NEDD1: variants seen among roughly 807,000 people sequenced by gnomAD.
NEDD1 encodes protein NEDD1.
Under a neutral mutation model 74.0 loss-of-function variants are expected in NEDD1, and 33 were observed. The observed-to-expected ratio is 0.45, with a 90% CI of 0.34 to 0.60. NEDD1 has a LOEUF of 0.60. Ranked by LOEUF, NEDD1 falls within the 20% of genes least tolerant of loss-of-function variation. The probability of loss-of-function intolerance (pLI) is 0.01; values close to 1 mark genes in which losing one functional copy is unlikely to be tolerated. For missense variants in NEDD1, 746 were observed against 776.5 expected (o/e 0.96, Z 0.47); for synonymous variants, 250 against 264.4 (o/e 0.95, Z 0.53).
chr12:96,935,296 A>T (rs1439573744), intron 7 of NEDD1, 91 bp downstream of exon 7: 1 of 765,784 alleles, frequency 1.3e-6, no homozygotes, highest in African/African-American at 1.7e-5. Context: ...ACCTCTGATT[A>T]GTGTCCAGGG....
intron 4 of NEDD1, among the ~76,000 whole-genome samples, chr12:96,917,152 T>C (rs1874547581): frequency 6.6e-6 from 1 of 152,194 alleles, no homozygotes; most frequent in Admixed American, 6.5e-5. Context: ...GTATCTTGAC[T>C]TCTTTAAAAA....
At chr12:96,947,646 A>T (rs1198886293) in intron 14 of NEDD1, among the ~76,000 whole-genome samples, 3 of 152,190 alleles carry the variant, frequency 2.0e-5, no homozygotes, top group Non-Finnish European at 4.4e-5. Context: ...CCTTTCCTTC[A>T]GCAGACCCAG....
chr12:96,911,561 A>G (rs1471225263), intron 3 of NEDD1, among the ~76,000 whole-genome samples: 1 of 152,230 alleles, frequency 6.6e-6, no homozygotes, highest in African/African-American at 2.4e-5. Context: ...GTGAGACACC[A>G]GAGAGATTAG....
intron 13 of NEDD1, 30 bp from the exon 14 acceptor site, chr12:96,945,663 T>G: frequency 7.0e-7 from 1 of 1,422,450 alleles, no homozygotes; most frequent in Non-Finnish European, 9.9e-7. Context: ...CCAAGTTGAC[T>G]ATTAATATTT....
Position 96,918,900 on chromosome 12 carries a change from G to A in NEDD1, c.349-1085G>A, listed in dbSNP as rs940605308. On this transcript the variant is annotated intron_variant, in intron 5 of 15. Coordinates refer to ENST00000266742, the MANE Select transcript of NEDD1 (RefSeq NM_152905.4). The stretch of plus-strand genomic sequence containing the variant: ...CATCAAACATTTTTTCCTCAAGATA[G>A]CAAGTGTTCCTTGGTTTTGGGAAAG... Among the ~76,000 whole-genome samples the A allele has an allele frequency of 1.1e-4, 16 of 152,156 alleles. 1 individual carries two copies. Among genetic ancestry groups the A allele is most frequent in the Non-Finnish European group, 4.4e-5 (3 of 68,028 alleles).
At chr12:96,922,076 T>G (rs1875162411) in intron 6 of NEDD1, among the ~76,000 whole-genome samples, 1 of 152,204 alleles carries the variant, frequency 6.6e-6, no homozygotes, top group Non-Finnish European at 1.5e-5. Context: ...AGACTTGTTT[T>G]GGGAGGTATT....
chr12:96,917,653 A>G lies in NEDD1; in HGVS notation c.264A>G (p.Thr88=), dbSNP rs375745431. 1.3e-6 allele frequency: 2 copies of G among 1,541,510 alleles called. No individual in the cohort carries two copies. Among genetic ancestry groups the G allele is most frequent in the Non-Finnish European group, 1.7e-6 (2 of 1,155,554 alleles). Residue 88 remains threonine (T), a synonymous_variant, in exon 5 of 16, where the codon ACA becomes ACG. Coordinates refer to ENST00000266742, the MANE Select transcript of NEDD1 (RefSeq NM_152905.4). ...AGACATGTGTCAATTTAAATTCTAC[A>G]TCTATGTATTTGGTAAGCGGAGGCC... ...QKQTCVNLNS[T]SMYLVSGGLN... is the part of the protein sequence containing the mutation.
intron 6 of NEDD1, among the ~76,000 whole-genome samples, chr12:96,922,751 A>G (rs1172163531): frequency 1.3e-5 from 2 of 152,216 alleles, no homozygotes; most frequent in Non-Finnish European, 2.9e-5. Flanking sequence ...CAAAATCAAG[A>G]TATAGAACAT....
chr12:96,937,271 G>T lies in NEDD1; in HGVS notation c.995G>T (p.Ser332Ile). 1 of 1,612,874 alleles carries T rather than the reference G, an allele frequency of 6.2e-7. No homozygotes were observed. The highest frequency in any genetic ancestry group is 8.5e-7 in the Non-Finnish European group (1 of 1,179,034). ...NKRSVNVNAA[S>I]GGVQNSGIVR... ...CGAAGTGTTAATGTGAATGCTGCTA[G>T]TGGAGGAGTTCAGAATTCCGGAATT... The change falls in exon 9 of 16, where the codon AGT becomes ATT. Residue 332 changes from serine (S) to isoleucine (I), a missense_variant. By Grantham distance (142) the Ser-to-Ile change is moderately radical (BLOSUM62 -2). Around this residue, in one of 3 missense-constraint regions of NEDD1, gnomAD observed 706 missense variants for 706.7 expected, o/e 1.00. Transcript: ENST00000266742.
chr12:96,924,793 T>C (rs1324428353), intron 6 of NEDD1: 1 of 440,838 alleles, frequency 2.3e-6, no homozygotes, highest in Admixed American at 2.5e-5. Flanking sequence ...TTTCCTAATC[T>C]TTATATATGT....
chr12:96,928,123 T>G (rs1435542061), intron 6 of NEDD1, among the ~76,000 whole-genome samples: 4 of 152,144 alleles, frequency 2.6e-5, no homozygotes, highest in Non-Finnish European at 5.9e-5. Context: ...GAAAGCTATT[T>G]GAAAGATGTT....
chr12:96,927,904 A>G (rs936407608), intron 6 of NEDD1, among the ~76,000 whole-genome samples: 20 of 152,270 alleles, frequency 1.3e-4, no homozygotes, highest in African/African-American at 4.6e-4. Context: ...TATGTTATAT[A>G]GGAGCATTGG....
In NEDD1 at chr12:96,944,648, T is replaced by C; in HGVS notation, c.1507T>C (p.Leu503=). The C allele has an allele frequency of 6.3e-7, 1 of 1,582,682 alleles. No individual in the cohort carries two copies. The highest frequency in any genetic ancestry group is 8.6e-7 in the Non-Finnish European group (1 of 1,159,072). ...SKDSFKQLAK[L]VTSGAESGNL... ...TATTTTAAATATAAAGTTAGCAAAG[T>C]TGGTCACATCTGGTGCTGAAAGTGG... The change falls in exon 13 of 16, where the codon TTG becomes CTG. Residue 503 remains leucine, a synonymous_variant. Transcript: ENST00000266742.
At position 96,912,707 on chromosome 12, in the gene NEDD1, A is replaced by G. The variant is rs371366525; in HGVS notation, c.137-16A>G. The G allele has an allele frequency of 5.3e-5, 68 of 1,282,774 alleles. No individual in the cohort carries two copies. Among genetic ancestry groups the G allele is most frequent in the Middle Eastern group, 1.8e-4 (1 of 5,416 alleles). 79.5% of individuals were successfully genotyped at this position (1,282,774 alleles called of 1,614,324 possible). Reference sequence around the variant, plus strand: ...ATGTTCATGGATTGTTTGATGCTCCATAACTCCTCATTTAGATAACTTTTT... The same window carrying G: ...ATGTTCATGGATTGTTTGATGCTCCGTAACTCCTCATTTAGATAACTTTTT... On this transcript the variant is annotated splice_polypyrimidine_tract_variant and intron_variant, in intron 3 of 15. Transcript: ENST00000266742.
chr12:96,923,916 CTTTTA>C (rs959150990), intron 6 of NEDD1, among the ~76,000 whole-genome samples: 51 of 151,070 alleles, frequency 3.4e-4, no homozygotes, highest in African/African-American at 1.2e-3. Flanking sequence ...TCAGTCTTTT[CTTTTA>C]TGTTTGTTGC....
At chr12:96,940,563 C>G in intron 10 of NEDD1, 26 bp downstream of exon 10, 1 of 1,535,248 alleles carries the variant, frequency 6.5e-7, no homozygotes, top group Non-Finnish European at 8.9e-7. Context: ...GGATCCTGTT[C>G]TCTTGCTGGT....
At chr12:96,907,920 C>G (rs1204796657) in intron 2 of NEDD1, 64 bp downstream of exon 2, 1 of 1,269,618 alleles carries the variant, frequency 7.9e-7, no homozygotes, top group Admixed American at 3.4e-5. Flanking sequence ...CATTAAATCA[C>G]CCGGCGAGTT....
intron 5 of NEDD1, among the ~76,000 whole-genome samples, chr12:96,918,506 C>T (rs1293361327): frequency 6.6e-6 from 1 of 152,090 alleles, no homozygotes; most frequent in Admixed American, 6.6e-5. Flanking sequence ...CCCTGCATGG[C>T]AAAATTTGAT....
chr12:96,943,736 C>G lies in NEDD1; in HGVS notation c.1471C>G (p.Gln491Glu), dbSNP rs773393686. ...GTCTAAGAAAATATATATGGGAAAA[C>G]AGGAATCTAAAGACTCCTTCAAACA... The part of the protein sequence containing the change: ...AESKKIYMGK[Q>E]ESKDSFKQLA... The change falls in exon 12 of 16, where the codon CAG becomes GAG. Residue 491 changes from glutamine to glutamate, a missense_variant. By Grantham distance (29) the Gln-to-Glu change is conservative. Transcript: ENST00000266742. The G allele has an allele frequency of 6.2e-6, 10 of 1,610,464 alleles. No homozygotes were observed. In the East Asian group the frequency reaches 6.7e-5, roughly 11 times the overall value.
Sources: gnomAD v4.1 joint callset for allele counts (sites outside exome capture counted in the v4.1 genomes callset) on GRCh38, gnomAD v4.1.1 for gene constraint, gnomAD v4.1.1 regional missense constraint, MANE v1.5 for transcripts, NCBI Gene and HGNC (gene_info 2026-07-23, HGNC 2026-07-21) for gene names.